LSM5: variants seen among roughly 807,000 people sequenced by gnomAD.
LSM5 encodes U6 snRNA-associated Sm-like protein LSm5.
In LSM5, 8 loss-of-function variants were observed where a neutral mutation model predicts 13.8. That is an observed-to-expected ratio of 0.58 (90% CI 0.34 to 1.04). The LOEUF is 1.04. Among genes scored for constraint, LSM5 ranks in the 50% least tolerant of loss-of-function variants. LSM5 has a pLI of 0.03. For synonymous variants in LSM5, 35 were observed against 37.0 expected (o/e 0.95, Z 0.20); for missense variants, 80 against 108.1 (o/e 0.74, Z 1.15).
At chr7:32,487,815 T>G in intron 3 of LSM5, 58 bp from the exon 4 acceptor site, 1 of 884,690 alleles carries the variant, frequency 1.1e-6, no homozygotes, top group Non-Finnish European at 1.9e-6. Flanking sequence ...GCCAACATTT[T>G]GGAAATACTT....
At chr7:32,493,691 C>G (rs1280918138), upstream of LSM5, among the ~76,000 whole-genome samples, 1 of 149,876 alleles carries the variant, frequency 6.7e-6, no homozygotes, top group African/African-American at 2.5e-5. Flanking sequence ...ATTACACACA[C>G]CACCATGCCT....
chr7:32,489,661 C>T (rs1256529341), intron 1 of LSM5: 2 of 311,996 alleles, frequency 6.4e-6, no homozygotes, highest in East Asian at 2.0e-4. Flanking sequence ...CCGGTCACTG[C>T]TTCCCTTTCC....
intron 3 of LSM5, 119 bp from the exon 4 acceptor site, chr7:32,487,876 A>G (rs1201887921): frequency 1.6e-6 from 1 of 613,504 alleles, no homozygotes; most frequent in East Asian, 2.7e-5. Context: ...GAGGTTGAGC[A>G]ATTATATCCA....
In LSM5 at chr7:32,489,235, T is replaced by G. The variant is rs1277527908; in HGVS notation, c.142+14A>C. The G allele has an allele frequency of 2.1e-6, 3 of 1,411,842 alleles. No individual in the cohort carries two copies. In the East Asian group the frequency reaches 6.9e-5, roughly 32 times the overall value. The allele number at this position is 1,411,842 out of a possible 1,614,324, so 87.5% of individuals were successfully genotyped here. On this transcript the variant is annotated intron_variant, in intron 2 of 4. Coordinates refer to ENST00000450169, the MANE Select transcript of LSM5 (RefSeq NM_012322.3). ...AAGAAAAACCTATACCACCACCACCTTTTAAAAGGATACTGACAAAGTCAT... is the reference window on the plus strand; with the variant it reads ...AAGAAAAACCTATACCACCACCACCGTTTAAAAGGATACTGACAAAGTCAT...
At position 32,489,346 on chromosome 7, in the gene LSM5, TGAG is replaced by T. The variant is rs367957254; in HGVS notation, c.47-5_47-3del. ...ATCCTATACATTTGTCCACAAGCTC[TGAG>T]GAGGGAAAAAATATTATTTTACCAT... is the stretch of plus-strand genomic sequence containing the variant. On this transcript the variant is annotated splice_region_variant and splice_polypyrimidine_tract_variant and intron_variant, in intron 1 of 4. Coordinates refer to ENST00000450169, the MANE Select transcript of LSM5 (RefSeq NM_012322.3). 10 of 1,523,848 alleles carry T rather than the reference TGAG, an allele frequency of 6.6e-6. No individual in the cohort carries two copies. The highest frequency in any genetic ancestry group is 2.3e-5 in the East Asian group (1 of 44,280). The allele number at this position is 1,523,848 out of a possible 1,614,324, so 94.4% of individuals were successfully genotyped here.
At chr7:32,488,061 TA>T (rs1156646253) in intron 3 of LSM5, 5 of 339,314 alleles carry the variant, frequency 1.5e-5, no homozygotes, top group Non-Finnish European at 2.8e-5. Flanking sequence ...TTTTTTTTTT[TA>T]AGAGACAGGG....
In LSM5 at chr7:32,486,765, T is replaced by A. The variant is rs1347305922; in HGVS notation, c.*496A>T. 1 of 173,382 alleles carries A rather than the reference T, an allele frequency of 5.8e-6. No individual in the cohort carries two copies. The highest frequency in any genetic ancestry group is 1.8e-4 in the East Asian group (1 of 5,448). 10.7% of individuals were successfully genotyped at this position (173,382 alleles called of 1,614,324 possible). A position where few individuals can be genotyped will look rare whatever the true frequency, so the allele number is the denominator to read the frequency against. On this transcript the variant is annotated 3_prime_UTR_variant, in exon 5 of 5. Coordinates refer to ENST00000450169, the MANE Select transcript of LSM5 (RefSeq NM_012322.3). ...TTACCTGTACATTGTTTGTTTTCAA[T>A]AGGAGTTCATGGAATTTGAAATCAG...
rs1280039746 is a variant in LSM5 at position 32,486,992 on chromosome 7, C to T, written c.*269G>A. ...AAGTAAGTGGCAAAATAACTACAAA[C>T]TTTGTTCCACTGGCTACTGCAGTAG... On this transcript the variant is annotated 3_prime_UTR_variant, in exon 5 of 5. Transcript: ENST00000450169. The T allele has an allele frequency of 2.2e-6, 1 of 457,316 alleles. No homozygotes were observed. The highest frequency in any genetic ancestry group is 2.1e-5 in the African/African-American group (1 of 48,682). The allele number at this position is 457,316 out of a possible 1,614,324, so 28.3% of individuals were successfully genotyped here.
upstream of LSM5, among the ~76,000 whole-genome samples, chr7:32,494,810 T>G (rs1392293620): frequency 6.6e-6 from 1 of 152,218 alleles, no homozygotes; most frequent in Non-Finnish European, 1.5e-5. Context: ...ACTAGAATAA[T>G]CATTTTACAC....
At chr7:32,492,362 A>G (rs111748499), upstream of LSM5, among the ~76,000 whole-genome samples, 25,455 of 152,154 alleles carry the variant, frequency 0.17, 2,675 homozygotes, top group Admixed American at 0.31. Flanking sequence ...ATCTCTACTA[A>G]GAATACAAAA....
At position 32,487,203 on chromosome 7, in the gene LSM5, T is replaced by C. The variant is rs1786467697; in HGVS notation, c.*58A>G. On this transcript the variant is annotated 3_prime_UTR_variant, in exon 5 of 5. Coordinates refer to ENST00000450169, the MANE Select transcript of LSM5 (RefSeq NM_012322.3). ...AACATTAGAAAGTGGGAAAAAAAATTCCATTTTCTTGTCATTATAAGCCAA... is the reference window on the plus strand; with the variant it reads ...AACATTAGAAAGTGGGAAAAAAAATCCCATTTTCTTGTCATTATAAGCCAA... The C allele has an allele frequency of 1.3e-6, 2 of 1,491,142 alleles. No homozygotes were observed. The highest frequency in any genetic ancestry group is 1.7e-5 in the Admixed American group (1 of 58,980). The allele number at this position is 1,491,142 out of a possible 1,614,324, so 92.4% of individuals were successfully genotyped here.
At chr7:32,494,683 A>C (rs1032435982), upstream of LSM5, among the ~76,000 whole-genome samples, 1 of 152,256 alleles carries the variant, frequency 6.6e-6, no homozygotes, top group Non-Finnish European at 1.5e-5. Flanking sequence ...ATTGTAGTAC[A>C]ATCAGTAAAG....
At position 32,489,204 on chromosome 7, in the gene LSM5, T is replaced by C. The variant is rs1417138604; in HGVS notation, c.142+45A>G. The C allele has an allele frequency of 5.5e-6, 5 of 911,226 alleles. No individual in the cohort carries two copies. In the African/African-American group the frequency reaches 8.4e-5, roughly 15 times the overall value. 56.4% of individuals were successfully genotyped at this position (911,226 alleles called of 1,614,324 possible). Reference sequence around the variant, plus strand: ...CTGATTGTCTATAGTTCTTATGTTATTACTTAAGAAAAACCTATACCACCA... The same window carrying C: ...CTGATTGTCTATAGTTCTTATGTTACTACTTAAGAAAAACCTATACCACCA... On this transcript the variant is annotated intron_variant, in intron 2 of 4. Transcript: ENST00000450169.
At chr7:32,488,530 A>G in intron 3 of LSM5, 95 bp downstream of exon 3, 1 of 839,232 alleles carries the variant, frequency 1.2e-6, no homozygotes, top group African/African-American at 1.7e-5. Flanking sequence ...TATTCCACCA[A>G]GAGGTAATGT....
intron 3 of LSM5, 84 bp downstream of exon 3, chr7:32,488,541 T>A: frequency 1.1e-6 from 1 of 916,164 alleles, no homozygotes. Context: ...GAGGTAATGT[T>A]TTCTCATAAA....
chr7:32,487,937 A>C, intron 3 of LSM5, 180 bp from the exon 4 acceptor site: 1 of 542,052 alleles, frequency 1.8e-6, no homozygotes, highest in African/African-American at 1.9e-5. Context: ...CTTCATTAAA[A>C]GCAGCAGAAT....
intron 4 of LSM5, 149 bp from the exon 5 acceptor site, chr7:32,487,442 C>T (rs1413222189): frequency 7.2e-6 from 5 of 696,064 alleles, no homozygotes; most frequent in African/African-American, 5.4e-5. Context: ...CAATTCCCAA[C>T]GTCATCAATT....
At chr7:32,490,499 C>T (rs925444177), upstream of LSM5, 2 of 679,704 alleles carry the variant, frequency 2.9e-6, no homozygotes, top group Non-Finnish European at 5.3e-6. Flanking sequence ...GCGTGGGTCG[C>T]GTTCACTGGC....
upstream of LSM5, among the ~76,000 whole-genome samples, chr7:32,493,370 G>A (rs1160115224): frequency 6.6e-6 from 1 of 152,016 alleles, no homozygotes; most frequent in African/African-American, 2.4e-5. Context: ...TACCCACCCT[G>A]GCCTCCCAAA....
Sources: allele counts gnomAD v4.1 joint callset (sites outside exome capture counted in the v4.1 genomes callset), GRCh38; gene constraint gnomAD v4.1.1; transcripts MANE v1.5; gene names NCBI Gene and HGNC (gene_info 2026-07-23, HGNC 2026-07-21).